KLF8: variants seen among roughly 807,000 people sequenced by gnomAD.
KLF8 encodes KLF transcription factor 8, also known as Krueppel-like factor 8.
KLF8 carries 10 observed loss-of-function variants against 18.2 expected under a neutral mutation model. The observed-to-expected ratio is 0.55, with a 90% CI of 0.34 to 0.93. KLF8 has a LOEUF of 0.93. Ranked by LOEUF, KLF8 falls within the 40% of genes least tolerant of loss-of-function variation. KLF8 has a pLI of 0.02. For missense variants in KLF8, 264 were observed against 277.9 expected (o/e 0.95, Z 0.36); for synonymous variants, 109 against 97.3 (o/e 1.12, Z -0.71).
chrX:56,053,250 G>T, the KLF8 span, among the ~76,000 whole-genome samples: 1 of 112,169 alleles, frequency 8.9e-6, no homozygotes, highest in Non-Finnish European at 1.9e-5. Context: ...GCTGGGAGCT[G>T]TTCCTATTCT....
the KLF8 span, among the ~76,000 whole-genome samples, chrX:55,916,769 G>A: frequency 8.9e-6 from 1 of 111,819 alleles, no homozygotes. Flanking sequence ...TTACTCCCAG[G>A]AACTTTCCAA....
the KLF8 span, among the ~76,000 whole-genome samples, chrX:56,136,131 C>A: frequency 1.8e-5 from 2 of 111,720 alleles, no homozygotes; most frequent in Non-Finnish European, 3.8e-5. Flanking sequence ...ACATTCCATG[C>A]TCATGGGTAG....
intron 2 of KLF8, among the ~76,000 whole-genome samples, chrX:56,264,616 G>A (rs1411164876): frequency 1.8e-5 from 2 of 110,220 alleles, no homozygotes; most frequent in Non-Finnish European, 3.8e-5. Context: ...CTGTTGTTAT[G>A]GCTCTATAGA....
the KLF8 span, among the ~76,000 whole-genome samples, chrX:56,079,906 C>T: frequency 1.8e-5 from 2 of 111,014 alleles, no homozygotes; most frequent in African/African-American, 3.3e-5. Context: ...TATGTGATGG[C>T]CTTCTTTGTC....
the KLF8 span, among the ~76,000 whole-genome samples, chrX:56,110,695 C>A: frequency 9.9e-5 from 11 of 111,217 alleles, no homozygotes; most frequent in Non-Finnish European, 1.9e-4. Flanking sequence ...GAATTTATGC[C>A]AATGTAGCTT....
intron 1 of KLF8, among the ~76,000 whole-genome samples, chrX:56,234,022 A>C (rs2066440021): frequency 9.0e-6 from 1 of 110,553 alleles, no homozygotes; most frequent in Non-Finnish European, 1.9e-5. Context: ...GTGATTGCTG[A>C]AGTGAATCCA....
the KLF8 span, among the ~76,000 whole-genome samples, chrX:56,015,791 G>C: frequency 9.0e-6 from 1 of 111,383 alleles, no homozygotes; most frequent in Non-Finnish European, 1.9e-5. Flanking sequence ...GTGTAGAGAA[G>C]GAGACTAACA....
the KLF8 span, among the ~76,000 whole-genome samples, chrX:56,190,586 A>G: frequency 9.0e-6 from 1 of 111,664 alleles, no homozygotes; most frequent in Admixed American, 9.6e-5. Context: ...GGTAACAAAC[A>G]AGTCTTAAAA....
chrX:55,986,076 A>T, the KLF8 span, among the ~76,000 whole-genome samples: 1 of 111,796 alleles, frequency 8.9e-6, no homozygotes, highest in Non-Finnish European at 1.9e-5. Context: ...GGATCACTTC[A>T]TCTGCAAACA....
At chrX:56,010,988 A>G in the KLF8 span, among the ~76,000 whole-genome samples, 1 of 112,406 alleles carries the variant, frequency 8.9e-6, no homozygotes, top group Admixed American at 9.4e-5. Flanking sequence ...TTGGAGACCT[A>G]TAAAGAGACT....
chrX:55,991,035 AG>A, the KLF8 span, among the ~76,000 whole-genome samples: 1 of 112,279 alleles, frequency 8.9e-6, no homozygotes, highest in Non-Finnish European at 1.9e-5. Context: ...GCTGTCAGAC[AG>A]GGACATTTAA....
the KLF8 span, among the ~76,000 whole-genome samples, chrX:56,028,365 T>C: frequency 2.7e-5 from 3 of 111,618 alleles, no homozygotes; most frequent in East Asian, 8.5e-4. Context: ...TTACTTGCCT[T>C]CTGGTTTTAT....
At chrX:56,071,154 G>A in the KLF8 span, among the ~76,000 whole-genome samples, 2 of 111,785 alleles carry the variant, frequency 1.8e-5, no homozygotes, top group South Asian at 3.8e-4. Context: ...GCATTTTGAT[G>A]TCATAAAGTC....
chrX:56,020,626 A>T, the KLF8 span, among the ~76,000 whole-genome samples: 6 of 111,915 alleles, frequency 5.4e-5, no homozygotes, highest in African/African-American at 2.0e-4. Context: ...TAGTCTGTGG[A>T]TGCAGTATCA....
At chrX:55,967,445 G>A in the KLF8 span, among the ~76,000 whole-genome samples, 3 of 109,563 alleles carry the variant, frequency 2.7e-5, no homozygotes, top group Non-Finnish European at 3.8e-5. Context: ...TACAGGACAG[G>A]AAAGAGTGGC....
the KLF8 span, among the ~76,000 whole-genome samples, chrX:56,077,493 T>C: frequency 8.9e-6 from 1 of 111,950 alleles, no homozygotes; most frequent in Non-Finnish European, 1.9e-5. Context: ...TCTGTTCCAT[T>C]GATCTATATC....
chrX:55,962,240 A>T, the KLF8 span: 1 of 185,069 alleles, frequency 5.4e-6, no homozygotes, highest in Non-Finnish European at 1.1e-5. Flanking sequence ...GGCCAACCAC[A>T]TCATTAACAT....
At chrX:56,077,379 C>A in the KLF8 span, among the ~76,000 whole-genome samples, 52 of 112,064 alleles carry the variant, frequency 4.6e-4, no homozygotes, top group Middle Eastern at 4.6e-3. Context: ...GTTTTCCCAG[C>A]ACCATTTATT....
At chrX:56,028,604 C>T in the KLF8 span, among the ~76,000 whole-genome samples, 16 of 111,604 alleles carry the variant, frequency 1.4e-4, no homozygotes, top group Non-Finnish European at 2.3e-4. Flanking sequence ...TGGAGCAAGA[C>T]GCAGCCTAGG....
Sources: gnomAD v4.1 joint callset for allele counts (sites outside exome capture counted in the v4.1 genomes callset) on GRCh38, gnomAD v4.1.1 for gene constraint, MANE v1.5 for transcripts, NCBI Gene and HGNC (gene_info 2026-07-23, HGNC 2026-07-21) for gene names.